MYLK4: variants seen among roughly 807,000 people sequenced by gnomAD.
The protein encoded by MYLK4 is caMLCK like.
In MYLK4, 46 loss-of-function variants were observed where a neutral mutation model predicts 48.1. The ratio of observed to expected loss-of-function variants is 0.96; its 90% CI spans 0.75 to 1.22. MYLK4 has a LOEUF of 1.22. Ranked by LOEUF, MYLK4 falls within the 50% of genes most tolerant of loss-of-function variation. The probability of loss-of-function intolerance (pLI) is 0.00; values close to 1 mark genes in which losing one functional copy is unlikely to be tolerated. For synonymous variants in MYLK4, 170 were observed against 180.8 expected, an observed-to-expected ratio of 0.94 and a Z score of 0.48; for missense variants, 451 against 486.1, an observed-to-expected ratio of 0.93 and a Z score of 0.68.
At chr6:2,710,427 A>G (rs1378169069) in intron 2 of MYLK4, among the ~76,000 whole-genome samples, 3 of 152,178 alleles carry the variant, frequency 2.0e-5, no homozygotes, top group Admixed American at 6.5e-5. Flanking sequence ...GAAACCAACC[A>G]TCAGGTCTCC....
At chr6:2,709,396 T>C (rs963234385) in intron 2 of MYLK4, among the ~76,000 whole-genome samples, 4 of 152,264 alleles carry the variant, frequency 2.6e-5, no homozygotes, top group Non-Finnish European at 5.9e-5. Context: ...CTTGTGGATC[T>C]GCCCGTGAGG....
At chr6:2,674,684 C>T (rs1761017923) in intron 11 of MYLK4, among the ~76,000 whole-genome samples, 1 of 152,146 alleles carries the variant, frequency 6.6e-6, no homozygotes, top group East Asian at 1.9e-4. Context: ...CCAGCCTGAC[C>T]AACATGGTGA....
chr6:2,768,996 G>C, the MYLK4 span: 1 of 1,105,180 alleles, frequency 9.0e-7, no homozygotes, highest in Non-Finnish European at 1.3e-6. Flanking sequence ...AAGAAGCGTA[G>C]GCTTGTGAAC....
the MYLK4 span, among the ~76,000 whole-genome samples, chr6:2,769,300 T>A: frequency 6.6e-6 from 1 of 152,294 alleles, no homozygotes; most frequent in Non-Finnish European, 1.5e-5. Context: ...AACTCCAGGC[T>A]CTGTCTTCAA....
At chr6:2,692,396 C>T (rs545369521) in intron 3 of MYLK4, among the ~76,000 whole-genome samples, 45 of 152,254 alleles carry the variant, frequency 3.0e-4, no homozygotes, top group African/African-American at 9.9e-4. Flanking sequence ...TTTTCTTTCT[C>T]AGAGGAGAGC....
At chr6:2,738,141 T>C (rs1763766314) in intron 2 of MYLK4, among the ~76,000 whole-genome samples, 1 of 152,180 alleles carries the variant, frequency 6.6e-6, no homozygotes, top group African/African-American at 2.4e-5. Context: ...TGTCACATTA[T>C]AACTTCTCAT....
rs1387164663 is a variant in MYLK4 at position 2,664,482 on chromosome 6, C to A, written c.*3443G>T. 1 of 152,126 alleles carries A rather than the reference C, an allele frequency of 6.6e-6. No homozygotes were observed. Among genetic ancestry groups the A allele is most frequent in the African/African-American group, 2.4e-5 (1 of 41,416 alleles). The allele number at this position is 152,126 out of a possible 1,614,324, so 9.4% of individuals were successfully genotyped here. ...CCAGCACACGCATGCACACTGGCAC[C>A]CGTGCTGCGTGGCTGGGGGAGGGGC... is the stretch of plus-strand genomic sequence containing the variant. On this transcript the variant is annotated 3_prime_UTR_variant, in exon 13 of 13. Coordinates refer to ENST00000274643, the MANE Select transcript of MYLK4 (RefSeq NM_001012418.5).
chr6:2,733,141 C>T (rs1029982419), intron 2 of MYLK4, among the ~76,000 whole-genome samples: 2 of 152,006 alleles, frequency 1.3e-5, no homozygotes, highest in Admixed American at 1.3e-4. Flanking sequence ...TTGTTTTTAC[C>T]CTGCAAAAAT....
In MYLK4 at chr6:2,750,779, A is replaced by G. The variant is rs1483359416; in HGVS notation, c.-156T>C. 1 of 152,438 alleles carries G rather than the reference A, an allele frequency of 6.6e-6. No individual in the cohort carries two copies. The highest frequency in any genetic ancestry group is 2.4e-5 in the African/African-American group (1 of 41,476). 9.4% of individuals were successfully genotyped at this position (152,438 alleles called of 1,614,324 possible). On this transcript the variant is annotated 5_prime_UTR_variant, in exon 1 of 13. It removes the in-frame stop codon of an upstream open reading frame in the 5' UTR. Transcript: ENST00000274643. The stretch of plus-strand genomic sequence containing the variant: ...GAAGAGCTTGAGCCACTCCAAGTCT[A>G]GAGCATACATTCCAGAAGATAAAGA...
rs56013759 is a variant in MYLK4, at chr6:2,674,999, A to C, written c.1119+48T>G. 1,299 of 1,337,950 alleles carry C rather than the reference A, an allele frequency of 9.7e-4. 10 individuals carry two copies. In the African/African-American group the frequency reaches 0.017, roughly 17 times the overall value. 82.9% of individuals were successfully genotyped at this position (1,337,950 alleles called of 1,614,324 possible). A position where few individuals can be genotyped will look rare whatever the true frequency, so the allele number is the denominator to read the frequency against. On this transcript the variant is annotated intron_variant, in intron 11 of 12. Transcript: ENST00000274643. ...ATGACTCCAGCATCTGATCTTCAAA[A>C]GACAGGCAGACAGGAGAAAAAGAGG...
chr6:2,688,962 AG>A lies in MYLK4; in HGVS notation c.236-7del. On this transcript the variant is annotated splice_region_variant and splice_polypyrimidine_tract_variant and intron_variant, in intron 3 of 12. Coordinates refer to ENST00000274643, the MANE Select transcript of MYLK4 (RefSeq NM_001012418.5). ...CGGAGGAGCCGGGATGTCAACTAGA[AG>A]GTGAGAGAAACAGAAGGGCAATCTG... 1 of 1,613,690 alleles carries A rather than the reference AG, an allele frequency of 6.2e-7. No homozygotes were observed. The highest frequency in any genetic ancestry group is 2.2e-5 in the East Asian group (1 of 44,880).
rs1371221983 is a variant in MYLK4, at chr6:2,671,277, T to C, written c.*24A>G. ...CTCTTCAGGAGACCCAAGACTAACCTTCCAAATGGCTGCCTCCTGTAGACT... is the reference window on the plus strand; with the variant it reads ...CTCTTCAGGAGACCCAAGACTAACCCTCCAAATGGCTGCCTCCTGTAGACT... On this transcript the variant is annotated splice_region_variant and 3_prime_UTR_variant, in exon 12 of 13. Transcript: ENST00000274643. 2.3e-5 allele frequency: 37 copies of C among 1,611,726 alleles called. No homozygotes were observed. Among genetic ancestry groups the C allele is most frequent in the Non-Finnish European group, 2.9e-5 (34 of 1,178,190 alleles).
At position 2,667,368 on chromosome 6, in the gene MYLK4, T is replaced by C. The variant is rs1289554385; in HGVS notation, c.*557A>G. ...TTCCAGCAAACAAATTATTTATCCA[T>C]TGTAGTCACGTGACCACAGACCAAA... On this transcript the variant is annotated 3_prime_UTR_variant, in exon 13 of 13. Coordinates refer to ENST00000274643, the MANE Select transcript of MYLK4 (RefSeq NM_001012418.5). 1 of 152,206 alleles carries C rather than the reference T, an allele frequency of 6.6e-6. No homozygotes were observed. The highest frequency in any genetic ancestry group is 1.5e-5 in the Non-Finnish European group (1 of 68,042). The allele number at this position is 152,206 out of a possible 1,614,324, so 9.4% of individuals were successfully genotyped here. A position where few individuals can be genotyped will look rare whatever the true frequency, so the allele number is the denominator to read the frequency against.
intron 12 of MYLK4, among the ~76,000 whole-genome samples, chr6:2,669,598 G>A (rs1430806990): frequency 6.6e-6 from 1 of 152,162 alleles, no homozygotes; most frequent in African/African-American, 2.4e-5. Context: ...GCTTCTGGGG[G>A]TGAGGGTGAA....
At chr6:2,686,725 A>G (rs180853001) in intron 4 of MYLK4, among the ~76,000 whole-genome samples, 4 of 152,324 alleles carry the variant, frequency 2.6e-5, no homozygotes, top group Non-Finnish European at 4.4e-5. Context: ...CACACCCAGC[A>G]CAGAGGCAGA....
chr6:2,754,147 A>T (rs933357856), upstream of MYLK4, among the ~76,000 whole-genome samples: 2 of 152,338 alleles, frequency 1.3e-5, no homozygotes, highest in East Asian at 3.9e-4. Context: ...TATTTCCCAT[A>T]TGACCTAGAA....
At chr6:2,764,555 T>TA in the MYLK4 span, among the ~76,000 whole-genome samples, 1 of 78,230 alleles carries the variant, frequency 1.3e-5, no homozygotes, top group Admixed American at 1.6e-4. Context: ...ACGGGAGACT[T>TA]AGACAAAAGC....
At chr6:2,681,572 T>G (rs1761303534) in intron 7 of MYLK4, among the ~76,000 whole-genome samples, 1 of 152,230 alleles carries the variant, frequency 6.6e-6, no homozygotes, top group Admixed American at 6.5e-5. Flanking sequence ...TTTATGACGA[T>G]AAAATTAAAC....
chr6:2,742,628 G>A (rs561735498), intron 2 of MYLK4, among the ~76,000 whole-genome samples: 1 of 149,166 alleles, frequency 6.7e-6, no homozygotes, highest in East Asian at 2.0e-4. Flanking sequence ...ACAAAAAACC[G>A]AACACCGCAT....
Sources: allele counts gnomAD v4.1 joint callset (sites outside exome capture counted in the v4.1 genomes callset), GRCh38; gene constraint gnomAD v4.1.1; transcripts MANE v1.5; gene names NCBI Gene and HGNC (gene_info 2026-07-23, HGNC 2026-07-21).